The following OCA2 variants were observed in gnomAD, a reference collection of about 807,000 sequenced individuals.
OCA2 encodes the protein OCA2 melanosomal transmembrane protein.
Under a neutral mutation model 100.2 loss-of-function variants are expected in OCA2, and 77 were observed. That is an observed-to-expected ratio of 0.77 (90% CI 0.64 to 0.93). OCA2 has a LOEUF of 0.93. Ranked by LOEUF, OCA2 falls within the 40% of genes least tolerant of loss-of-function variation. OCA2 has a pLI of 0.00. For synonymous variants in OCA2, 432 were observed against 439.2 expected (o/e 0.98, Z 0.21); for missense variants, 1,062 against 1,089.1 (o/e 0.98, Z 0.35).
At chr15:27,748,078 T>C in the OCA2 span, among the ~76,000 whole-genome samples, 1 of 152,148 alleles carries the variant, frequency 6.6e-6, no homozygotes, top group Non-Finnish European at 1.5e-5. Context: ...GGCTCTGTCT[T>C]CCTTCAAGCT....
chr15:27,812,663 C>T, intron 23 of OCA2, among the ~76,000 whole-genome samples: 1 of 152,142 alleles, frequency 6.6e-6, no homozygotes, highest in Non-Finnish European at 1.5e-5. Flanking sequence ...AAGTTGCTTT[C>T]CTTTTTTAAA....
At chr15:27,993,148 G>A (rs934170347) in intron 9 of OCA2, among the ~76,000 whole-genome samples, 2 of 152,086 alleles carry the variant, frequency 1.3e-5, no homozygotes, top group African/African-American at 2.4e-5. Context: ...AAAGAGTGAA[G>A]AGCCATGACT....
chr15:27,983,309 G>A (rs766398741), intron 14 of OCA2, 36 bp downstream of exon 14: 33 of 1,613,370 alleles, frequency 2.0e-5, no homozygotes, highest in Admixed American at 8.3e-5. Context: ...GGAGGTGTGC[G>A]TTTACTGGAA....
At chr15:27,871,299 G>T (rs1368380038) in intron 20 of OCA2, 41 bp from the exon 21 acceptor site, 2 of 1,496,028 alleles carry the variant, frequency 1.3e-6, no homozygotes. Flanking sequence ...TCCATCGCAT[G>T]CACTTAGGGT....
the OCA2 span, among the ~76,000 whole-genome samples, chr15:27,726,304 T>A: frequency 1.8e-4 from 10 of 54,112 alleles, no homozygotes; most frequent in Admixed American, 8.5e-4. Context: ...GCTCAAAAAA[T>A]AAATAAATAA....
intron 9 of OCA2, among the ~76,000 whole-genome samples, chr15:28,012,019 A>C (rs2042256494): frequency 6.6e-6 from 1 of 152,136 alleles, no homozygotes; most frequent in African/African-American, 2.4e-5. Context: ...AGACTAAGAG[A>C]AAATATTTGC....
intron 2 of OCA2, among the ~76,000 whole-genome samples, chr15:28,055,503 A>C (rs1375165): frequency 0.16 from 25,078 of 152,160 alleles, 3,863 homozygotes; most frequent in African/African-American, 0.41. Context: ...TCACGTAGGT[A>C]CTGAACATCC....
intron 19 of OCA2, among the ~76,000 whole-genome samples, chr15:27,906,946 A>C (rs2038201903): frequency 6.6e-6 from 1 of 152,162 alleles, no homozygotes; most frequent in African/African-American, 2.4e-5. Flanking sequence ...AGGAAGCAAG[A>C]GAGTGGGAGG....
At chr15:28,049,548 CA>C (rs748067813) in intron 2 of OCA2, among the ~76,000 whole-genome samples, 12 of 152,158 alleles carry the variant, frequency 7.9e-5, no homozygotes, top group South Asian at 2.1e-4. Context: ...TCAAAATAGC[CA>C]AAATGTGGAA....
intron 3 of OCA2, among the ~76,000 whole-genome samples, chr15:28,029,786 CA>C (rs1288342105): frequency 8.5e-5 from 13 of 152,248 alleles, no homozygotes; most frequent in African/African-American, 3.1e-4. Context: ...AAAACTGCAA[CA>C]AAATAAAGTT....
chr15:28,061,837 A>G (rs896059815), intron 2 of OCA2, among the ~76,000 whole-genome samples: 8 of 152,206 alleles, frequency 5.3e-5, no homozygotes, highest in Admixed American at 1.3e-4. Context: ...ATCGTTTTTT[A>G]TATCTGGCTT....
intron 23 of OCA2, among the ~76,000 whole-genome samples, chr15:27,770,564 C>T (rs999169262): frequency 7.9e-5 from 12 of 151,410 alleles, no homozygotes; most frequent in Admixed American, 2.0e-4. Context: ...GGAAGGTCCC[C>T]GATGGGCGCG....
intron 9 of OCA2, among the ~76,000 whole-genome samples, chr15:28,012,096 A>T (rs1415218937): frequency 1.3e-5 from 2 of 152,252 alleles, no homozygotes; most frequent in Non-Finnish European, 2.9e-5. Flanking sequence ...AACATTTTTA[A>T]AAACAATTCA....
rs76205547 is a variant in OCA2 at position 27,789,332 on chromosome 15, A to C, written c.2433-33860T>G. ...TGAGTCTTTCTTTTGTTTTGTTTTA[A>C]ATCTGGTCATATCTTTTTTCAACAT... On this transcript the variant is annotated intron_variant, in intron 23 of 23. Transcript: ENST00000354638. Among the ~76,000 whole-genome samples the C allele has an allele frequency of 4.8e-3, 724 of 152,066 alleles. 6 individuals are homozygous for C. The highest frequency in any genetic ancestry group is 0.017 in the African/African-American group (690 of 41,452).
chr15:28,048,185 T>C (rs1375011608), intron 2 of OCA2, among the ~76,000 whole-genome samples: 1 of 152,212 alleles, frequency 6.6e-6, no homozygotes, highest in Admixed American at 6.5e-5. Flanking sequence ...ATTAATATTT[T>C]AATACTATCC....
At chr15:27,997,579 A>G (rs2041791342) in intron 9 of OCA2, among the ~76,000 whole-genome samples, 1 of 151,732 alleles carries the variant, frequency 6.6e-6, no homozygotes, top group Non-Finnish European at 1.5e-5. Context: ...TGCTTACTGT[A>G]GCCTTGTAGT....
At chr15:27,953,593 C>G (rs57072950) in intron 17 of OCA2, among the ~76,000 whole-genome samples, 3,917 of 152,238 alleles carry the variant, frequency 0.026, 182 homozygotes, top group African/African-American at 0.09. Flanking sequence ...CAGAAAGTGG[C>G]TATTGCCACA....
chr15:27,990,772 T>G, intron 9 of OCA2, 125 bp from the exon 10 acceptor site: 1 of 845,558 alleles, frequency 1.2e-6, no homozygotes, highest in South Asian at 1.3e-5. Flanking sequence ...AAATGATAAG[T>G]CATGGGTCTT....
intron 21 of OCA2, among the ~76,000 whole-genome samples, chr15:27,868,723 T>C (rs943439654): frequency 6.6e-6 from 1 of 152,174 alleles, no homozygotes; most frequent in Non-Finnish European, 1.5e-5. Context: ...GTTCTTACCA[T>C]GAAGCACACA....
Sources: gnomAD v4.1 joint callset for allele counts (sites outside exome capture counted in the v4.1 genomes callset) on GRCh38, gnomAD v4.1.1 for gene constraint, MANE v1.5 for transcripts, NCBI Gene and HGNC (gene_info 2026-07-23, HGNC 2026-07-21) for gene names.